NKAIN3: variants seen among roughly 807,000 people sequenced by gnomAD.
The protein encoded by NKAIN3 is sodium/potassium transporting ATPase interacting 3, also known as sodium/potassium-transporting ATPase subunit beta-1-interacting protein 3.
NKAIN3 carries 25 observed loss-of-function variants against 30.2 expected under a neutral mutation model. The observed-to-expected ratio is 0.83, with a 90% CI of 0.60 to 1.16. NKAIN3 has a LOEUF of 1.16. NKAIN3 is among the 50% of genes most tolerant of loss of function. The pLI is 0.00. For missense variants in NKAIN3, 225 were observed against 254.1 expected (o/e 0.89, Z 0.78); for synonymous variants, 91 against 89.6 (o/e 1.02, Z -0.09).
Position 62,810,519 on chromosome 8 carries a change from A to G in NKAIN3, c.471+63390A>G, listed in dbSNP as rs180928605. 4.3e-3 allele frequency among the ~76,000 whole-genome samples: 648 copies of G among 152,234 alleles called. 3 individuals are homozygous for G. The highest frequency in any genetic ancestry group is 8.1e-3 in the Non-Finnish European group (552 of 68,004). ...TTCATTTGTAAAATGTAAAAGTCAA[A>G]CTAGATATCTCTTTTAATAGGTGAG... On this transcript the variant is annotated intron_variant, in intron 4 of 6. Coordinates refer to ENST00000623646, the MANE Select transcript of NKAIN3 (RefSeq NM_001304533.3).
chr8:62,610,754 A>T (rs1811263058), intron 3 of NKAIN3, among the ~76,000 whole-genome samples: 1 of 151,868 alleles, frequency 6.6e-6, no homozygotes, highest in Non-Finnish European at 1.5e-5. Flanking sequence ...TGTGTTTCCT[A>T]CTTTGTTGCA....
chr8:62,358,389 A>C (rs899037472), intron 1 of NKAIN3, among the ~76,000 whole-genome samples: 1 of 152,152 alleles, frequency 6.6e-6, no homozygotes, highest in Non-Finnish European at 1.5e-5. Context: ...AAGCCATTTA[A>C]TGCATTTTAA....
chr8:62,508,668 A>G (rs1345799329), intron 1 of NKAIN3, among the ~76,000 whole-genome samples: 2 of 152,196 alleles, frequency 1.3e-5, no homozygotes, highest in Non-Finnish European at 2.9e-5. Flanking sequence ...TGTAAAGATG[A>G]TTAGTCCCTC....
intron 3 of NKAIN3, among the ~76,000 whole-genome samples, chr8:62,746,590 A>G (rs1563543297): frequency 6.6e-6 from 1 of 152,240 alleles, no homozygotes; most frequent in African/African-American, 2.4e-5. Context: ...AGTGATATTC[A>G]TGATGTTGCA....
chr8:62,600,683 C>T lies in NKAIN3; in HGVS notation c.273+10889C>T, dbSNP rs117751710. 4.3e-3 allele frequency among the ~76,000 whole-genome samples: 658 copies of T among 152,124 alleles called. 3 individuals are homozygous for T. Among genetic ancestry groups the T allele is most frequent in the Non-Finnish European group, 7.8e-3 (528 of 67,940 alleles). ...AGCTATGCTTTTTCTAACTTGTGGG[C>T]ATTTTGATTCTTGGAGAAATTTAAG... On this transcript the variant is annotated intron_variant, in intron 3 of 6. Transcript: ENST00000623646.
At chr8:62,948,674 A>G (rs2130891472) in intron 5 of NKAIN3, among the ~76,000 whole-genome samples, 1 of 152,338 alleles carries the variant, frequency 6.6e-6, no homozygotes, top group South Asian at 2.1e-4. Context: ...AAATTTCAAA[A>G]TATGTTTAAG....
At position 62,249,052 on chromosome 8, in the gene NKAIN3, C is replaced by G. The variant is rs1446237716; in HGVS notation, c.-22C>G. The stretch of plus-strand genomic sequence containing the variant: ...GGACGAGGATCTCTGGCAGTCAGCG[C>G]CGCTCGGACGCCGCCGGCACCATGG... On this transcript the variant is annotated 5_prime_UTR_variant, in exon 1 of 7. Transcript: ENST00000623646. The G allele has an allele frequency of 6.5e-7, 1 of 1,532,614 alleles. No individual in the cohort carries two copies. The highest frequency in any genetic ancestry group is 2.6e-5 in the East Asian group (1 of 39,150). The allele number at this position is 1,532,614 out of a possible 1,614,324, so 94.9% of individuals were successfully genotyped here.
intron 4 of NKAIN3, among the ~76,000 whole-genome samples, chr8:62,836,945 T>C (rs1819384517): frequency 6.6e-6 from 1 of 152,212 alleles, no homozygotes; most frequent in African/African-American, 2.4e-5. Flanking sequence ...TCCTGGAAAG[T>C]TGAAGTGTGA....
intron 3 of NKAIN3, among the ~76,000 whole-genome samples, chr8:62,682,113 A>G (rs1813660836): frequency 6.6e-6 from 1 of 152,140 alleles, no homozygotes; most frequent in Admixed American, 6.5e-5. Flanking sequence ...CTTTGAAGGA[A>G]GCAGATTGCT....
At chr8:62,386,914 TGAGAGAGA>T (rs141443243) in intron 1 of NKAIN3, among the ~76,000 whole-genome samples, 218 of 147,974 alleles carry the variant, frequency 1.5e-3, no homozygotes, top group African/African-American at 4.5e-3. Flanking sequence ...AATTGATATA[TGAGAGAGA>T]GAGAGAGAGA....
intron 3 of NKAIN3, among the ~76,000 whole-genome samples, chr8:62,640,861 T>C (rs759538112): frequency 1.3e-5 from 2 of 152,118 alleles, no homozygotes; most frequent in African/African-American, 2.4e-5. Flanking sequence ...CTGTTTCTAG[T>C]TTCTTAAATC....
At chr8:62,920,884 A>G (rs910723605) in intron 5 of NKAIN3, among the ~76,000 whole-genome samples, 7 of 152,224 alleles carry the variant, frequency 4.6e-5, no homozygotes, top group African/African-American at 1.7e-4. Flanking sequence ...GATAATGGAA[A>G]GCAGTCACAA....
rs917750872 is a variant in NKAIN3, at chr8:62,376,057, T to C, written c.54+126930T>C. On this transcript the variant is annotated intron_variant, in intron 1 of 6. Coordinates refer to ENST00000623646, the MANE Select transcript of NKAIN3 (RefSeq NM_001304533.3). ...CTCATATGCAGTCACTAATGAAAATTGTTCCAATAAAATGTAAAATGTTGA... is the reference window on the plus strand; with the variant it reads ...CTCATATGCAGTCACTAATGAAAATCGTTCCAATAAAATGTAAAATGTTGA... Among the ~76,000 whole-genome samples, 3 of 152,198 alleles carry C rather than the reference T, an allele frequency of 2.0e-5. No individual in the cohort carries two copies. The South Asian group carries it at 6.2e-4, about 31-fold the overall frequency.
Position 62,861,044 on chromosome 8 carries a change from A to T in NKAIN3, c.472-57409A>T, listed in dbSNP as rs181472699. On this transcript the variant is annotated intron_variant, in intron 4 of 6. Transcript: ENST00000623646. The stretch of plus-strand genomic sequence containing the variant: ...ACTAATCTACTGGTAGTGGCTGCCT[A>T]GCTAGATATTTGTAGAATTCCCAGT... Among the ~76,000 whole-genome samples the T allele has an allele frequency of 2.0e-4, 30 of 152,320 alleles. 1 individual carries two copies. The East Asian group carries it at 5.6e-3, about 28-fold the overall frequency.
intron 4 of NKAIN3, among the ~76,000 whole-genome samples, chr8:62,806,707 T>A (rs1299968776): frequency 6.6e-6 from 1 of 151,894 alleles, no homozygotes; most frequent in Non-Finnish European, 1.5e-5. Context: ...TAATGCTAAA[T>A]GATGAGTTAA....
intron 1 of NKAIN3, among the ~76,000 whole-genome samples, chr8:62,452,543 C>T (rs1015268428): frequency 3.3e-5 from 5 of 152,082 alleles, no homozygotes; most frequent in African/African-American, 1.2e-4. Flanking sequence ...TTTGTGGTGG[C>T]TTGAGCAAAA....
chr8:62,500,424 GGAAAGAAAGAAAGAAAGAAAGAAAGAAA>G lies in NKAIN3; in HGVS notation c.55-79079_55-79052del, dbSNP rs372867878. ...AAGGAAAGAAATAAGAAGGAAGAAA[GGAAAGAAAGAAAGAAAGAAAGAAAGAAA>G]GAAAGAAAGAAAGAAAGAAAGAAAG... On this transcript the variant is annotated intron_variant, in intron 1 of 6. Coordinates refer to ENST00000623646, the MANE Select transcript of NKAIN3 (RefSeq NM_001304533.3). Among the ~76,000 whole-genome samples the G allele has an allele frequency of 2.3e-3, 236 of 103,746 alleles. 3 individuals carry two copies. The highest frequency in any genetic ancestry group is 0.014 in the Middle Eastern group (3 of 216). 68.1% of individuals were successfully genotyped at this position (103,746 alleles called of 152,430 possible). A position where few individuals can be genotyped will look rare whatever the true frequency, so the allele number is the denominator to read the frequency against.
At position 62,766,040 on chromosome 8, in the gene NKAIN3, A is replaced by G. The variant is rs553823946; in HGVS notation, c.471+18911A>G. Among the ~76,000 whole-genome samples the G allele has an allele frequency of 5.3e-5, 8 of 152,316 alleles. No individual in the cohort carries two copies. In the South Asian group the frequency reaches 1.4e-3, roughly 28 times the overall value. ...TGCTTTATTTCCATTATAGTCATCA[A>G]CATCAAGTATTGATTGATTTACCTT... On this transcript the variant is annotated intron_variant, in intron 4 of 6. Transcript: ENST00000623646.
chr8:62,795,271 A>G (rs924093226), intron 4 of NKAIN3, among the ~76,000 whole-genome samples: 4 of 152,216 alleles, frequency 2.6e-5, no homozygotes, highest in African/African-American at 9.7e-5. Flanking sequence ...CCAATAACTA[A>G]TATGTCTAAG....
Sources: gnomAD v4.1 joint callset for allele counts (sites outside exome capture counted in the v4.1 genomes callset) on GRCh38, gnomAD v4.1.1 for gene constraint, MANE v1.5 for transcripts, NCBI Gene and HGNC (gene_info 2026-07-23, HGNC 2026-07-21) for gene names.